The following CDH19 variants were observed in gnomAD, a reference collection of about 807,000 sequenced individuals.
CDH19 encodes cadherin-19.
A neutral mutation model predicts 64.2 loss-of-function variants in CDH19; 67 were observed. The observed-to-expected ratio is 1.04, with a 90% CI of 0.86 to 1.28. The LOEUF (loss-of-function observed/expected upper bound fraction) is 1.28, where lower values mean the gene tolerates loss of function less well. Ranked by LOEUF, CDH19 falls within the 50% of genes most tolerant of loss-of-function variation. The probability of loss-of-function intolerance (pLI) is 0.00; values close to 1 mark genes in which losing one functional copy is unlikely to be tolerated. For synonymous variants in CDH19, 346 were observed against 319.3 expected (o/e 1.08, Z -0.89); for missense variants, 1,030 against 929.0 (o/e 1.11, Z -1.41).
chr18:66,508,021 A>G (rs2144334725), intron 11 of CDH19, among the ~76,000 whole-genome samples: 1 of 152,022 alleles, frequency 6.6e-6, no homozygotes, highest in South Asian at 2.1e-4. Context: ...ATTAATGGAT[A>G]AGGAAAATGT....
Position 66,504,888 on chromosome 18 carries a change from T to C in CDH19, c.2243A>G (p.Asp748Gly), listed in dbSNP as rs1985107061. 6.2e-7 allele frequency: 1 copy of C among 1,613,270 alleles called. No homozygotes were observed. Among genetic ancestry groups the C allele is most frequent in the African/African-American group, 1.3e-5 (1 of 74,876 alleles). ...GCGAGGTCCCAACTCATTAAGGTAA[T>C]CATAGCTTTCATCCTGATCAGAGAC... ...SAVSDQDESY[D>G]YLNELGPRFK... The change falls in exon 12 of 12, where the codon GAT becomes GGT. Residue 748 changes from aspartate to glycine, a missense_variant. By Grantham distance (94) the Asp-to-Gly change is moderately conservative. Coordinates refer to ENST00000262150, the MANE Select transcript of CDH19 (RefSeq NM_021153.4).
At chr18:66,573,127 A>G (rs1283720909) in intron 1 of CDH19, among the ~76,000 whole-genome samples, 1 of 151,676 alleles carries the variant, frequency 6.6e-6, no homozygotes, top group African/African-American at 2.4e-5. Context: ...CATGATGGGT[A>G]CCTCTAATCC....
intron 11 of CDH19, among the ~76,000 whole-genome samples, chr18:66,508,500 G>A (rs973465074): frequency 4.0e-5 from 6 of 151,500 alleles, no homozygotes; most frequent in Admixed American, 2.6e-4. Flanking sequence ...TTTTCTAGCT[G>A]TGTGACCCTT....
intron 1 of CDH19, among the ~76,000 whole-genome samples, 159 bp downstream of exon 1, chr18:66,603,795 T>C (rs940171697): frequency 8.5e-5 from 13 of 152,148 alleles, no homozygotes; most frequent in African/African-American, 3.1e-4. Context: ...ATCATGGTTT[T>C]AAAATTTTTA....
rs1008811981 is a variant in CDH19 at position 66,551,140 on chromosome 18, T to A, written c.729A>T (p.Leu243Phe). The part of the protein sequence containing the change: ...PGALSGTTSV[L>F]IKLSDVNDNK... ...TGTCATTAACATCTGAAAGTTTAAT[T>A]AATACACTTGTTGTTCCAGACAACG... Residue 243 changes from leucine to phenylalanine, a missense_variant, in exon 5 of 12, where the codon TTA (leucine) becomes TTT (phenylalanine). Coordinates refer to ENST00000262150, the MANE Select transcript of CDH19 (RefSeq NM_021153.4). The A allele has an allele frequency of 6.2e-6, 10 of 1,607,990 alleles. No individual in the cohort carries two copies. The highest frequency in any genetic ancestry group is 4.5e-5 in the East Asian group (2 of 44,742).
chr18:66,560,285 G>T (rs867362548), intron 3 of CDH19, among the ~76,000 whole-genome samples: 5 of 152,180 alleles, frequency 3.3e-5, no homozygotes, highest in Non-Finnish European at 5.9e-5. Context: ...CAAATTTAGA[G>T]AACCCCTTCA....
chr18:66,568,801 C>A, intron 2 of CDH19, 91 bp from the exon 3 acceptor site: 20 of 995,290 alleles, frequency 2.0e-5, no homozygotes, highest in Non-Finnish European at 2.9e-5. Context: ...GTTAATTATT[C>A]CCCAAGTTAA....
chr18:66,546,450 A>G (rs1260996750), intron 5 of CDH19, among the ~76,000 whole-genome samples: 15 of 152,212 alleles, frequency 9.9e-5, no homozygotes, highest in Admixed American at 9.8e-4. Flanking sequence ...TTGAGTTGAT[A>G]TTAAACTATT....
chr18:66,597,483 T>A (rs1214920123), intron 1 of CDH19, among the ~76,000 whole-genome samples: 1 of 152,112 alleles, frequency 6.6e-6, no homozygotes, highest in African/African-American at 2.4e-5. Flanking sequence ...ATGTAAATCC[T>A]ACAACTATAA....
Position 66,542,398 on chromosome 18 carries a change from G to A in CDH19, c.1214+1573C>T, listed in dbSNP as rs552252635. On this transcript the variant is annotated intron_variant, in intron 7 of 11. Transcript: ENST00000262150. ...AATATATGAAGGTTTCTGGAAAATA[G>A]GTGAGTAAGGAAAGGTGTTGGAGAA... Among the ~76,000 whole-genome samples, 15 of 152,192 alleles carry A rather than the reference G, an allele frequency of 9.9e-5. No individual in the cohort carries two copies. In the South Asian group the frequency reaches 2.9e-3, roughly 29 times the overall value.
chr18:66,545,350 T>G (rs945919226), intron 5 of CDH19, among the ~76,000 whole-genome samples: 56 of 152,104 alleles, frequency 3.7e-4, no homozygotes, highest in East Asian at 7.7e-4. Context: ...TTGTTCTTAA[T>G]CTTTCTTTAT....
intron 5 of CDH19, among the ~76,000 whole-genome samples, chr18:66,550,630 C>T (rs1030646542): frequency 6.6e-6 from 1 of 152,030 alleles, no homozygotes; most frequent in African/African-American, 2.4e-5. Context: ...GTATGTGACA[C>T]TCCTTGCTGC....
intron 2 of CDH19, 76 bp downstream of exon 2, chr18:66,571,934 C>A: frequency 9.0e-7 from 1 of 1,115,384 alleles, no homozygotes; most frequent in Non-Finnish European, 1.3e-6. Flanking sequence ...TGGAACTCAT[C>A]AAATCTCCAA....
chr18:66,508,399 G>GTT lies in CDH19; in HGVS notation c.1828+594_1828+595dup, dbSNP rs202079200. 6.8e-4 allele frequency among the ~76,000 whole-genome samples: 100 copies of GTT among 147,576 alleles called. No homozygotes were observed. The East Asian group carries it at 0.016, about 24-fold the overall frequency. ...CTAAGAGAGTAGATTTTACTGCGCT[G>GTT]TTTTTTTTTTTAAATGCACCTTGGG... On this transcript the variant is annotated intron_variant, in intron 11 of 11. Coordinates refer to ENST00000262150, the MANE Select transcript of CDH19 (RefSeq NM_021153.4).
At chr18:66,554,106 T>A (rs569141382) in intron 4 of CDH19, among the ~76,000 whole-genome samples, 150 of 152,072 alleles carry the variant, frequency 9.9e-4, no homozygotes, top group African/African-American at 3.5e-3. Context: ...TGCTTATAAA[T>A]GTTTTTTCCC....
chr18:66,563,672 C>T (rs1987804001), intron 3 of CDH19, among the ~76,000 whole-genome samples: 1 of 151,828 alleles, frequency 6.6e-6, no homozygotes, highest in Non-Finnish European at 1.5e-5. Context: ...ATTTTTCTAC[C>T]AGTACTGACT....
chr18:66,554,551 A>C (rs1568195044), intron 3 of CDH19, 27 bp from the exon 4 acceptor site: 1 of 1,594,464 alleles, frequency 6.3e-7, no homozygotes. Flanking sequence ...ACAGGAAATT[A>C]AGATTGTGGT....
intron 1 of CDH19, among the ~76,000 whole-genome samples, chr18:66,573,535 G>A (rs1871606066): frequency 6.6e-6 from 1 of 151,570 alleles, no homozygotes; most frequent in Non-Finnish European, 1.5e-5. Context: ...TTGAAATTCA[G>A]ATAAATCTGC....
chr18:66,542,905 G>A (rs1032149493), intron 7 of CDH19, among the ~76,000 whole-genome samples: 2 of 152,096 alleles, frequency 1.3e-5, no homozygotes, highest in Non-Finnish European at 1.5e-5. Context: ...TCACCCCCCC[G>A]ACCTTGGAAA....
Sources: gnomAD v4.1 joint callset for allele counts (sites outside exome capture counted in the v4.1 genomes callset) on GRCh38, gnomAD v4.1.1 for gene constraint, MANE v1.5 for transcripts, NCBI Gene and HGNC (gene_info 2026-07-23, HGNC 2026-07-21) for gene names.